The following RYR1 variants were observed in gnomAD, a reference collection of about 807,000 sequenced individuals.
RYR1 encodes ryanodine receptor 1.
RYR1 carries 342 observed loss-of-function variants against 583.5 expected under a neutral mutation model. The observed-to-expected ratio is 0.59, with a 90% CI of 0.54 to 0.64. The LOEUF is 0.64. Among genes scored for constraint, RYR1 ranks in the 30% least tolerant of loss-of-function variants. The probability of loss-of-function intolerance (pLI) is 0.00; values close to 1 mark genes in which losing one functional copy is unlikely to be tolerated. For missense variants in RYR1, 6,032 were observed against 6,917.2 expected (o/e 0.87, Z 4.54); for synonymous variants, 2,791 against 2,822.5 (o/e 0.99, Z 0.35).
chr19:38,497,124 A>G (rs1969870917), intron 42 of RYR1, among the ~76,000 whole-genome samples, 170 bp downstream of exon 42: 1 of 152,246 alleles, frequency 6.6e-6, no homozygotes, highest in Non-Finnish European at 1.5e-5. Context: ...CCAGTTGTTC[A>G]TTCATGGGAT....
chr19:38,477,633 A>G (rs1006532644), intron 29 of RYR1, 77 bp from the exon 30 acceptor site: 2 of 1,601,510 alleles, frequency 1.2e-6, no homozygotes. Context: ...CAGTCCAGGG[A>G]AACCAATTTC....
In RYR1 at chr19:38,502,452, C is replaced by T. The variant is rs1389609076; in HGVS notation, c.7615-55C>T. ...TGGCCACAGTCGCTCAAGACAGGTG[C>T]CAGAGCAGCCCCAGGGGTGTGCAGC... On this transcript the variant is annotated intron_variant, in intron 47 of 105. Transcript: ENST00000359596. 7.2e-6 allele frequency: 11 copies of T among 1,521,476 alleles called. No individual in the cohort carries two copies. In the East Asian group the frequency reaches 2.4e-4, roughly 33 times the overall value. The allele number at this position is 1,521,476 out of a possible 1,614,324, so 94.2% of individuals were successfully genotyped here. A position where few individuals can be genotyped will look rare whatever the true frequency, so the allele number is the denominator to read the frequency against.
intron 93 of RYR1, 30 bp downstream of exon 93, chr19:38,567,947 T>G (rs761355511): frequency 1.2e-6 from 2 of 1,611,306 alleles, no homozygotes; most frequent in Non-Finnish European, 8.5e-7. Flanking sequence ...ACCTGAACCT[T>G]CTTCTCCCCG....
intron 1 of RYR1, among the ~76,000 whole-genome samples, chr19:38,436,860 G>T (rs1311037527): frequency 6.6e-6 from 1 of 151,970 alleles, no homozygotes; most frequent in African/African-American, 2.4e-5. Flanking sequence ...TCCCTTTGGT[G>T]GGTGGTGACC....
At position 38,574,037 on chromosome 19, in the gene RYR1, G is replaced by A. The variant is rs551941068; in HGVS notation, c.14129+730G>A. Among the ~76,000 whole-genome samples the A allele has an allele frequency of 4.6e-5, 7 of 152,104 alleles. No individual in the cohort carries two copies. The East Asian group carries it at 9.7e-4, about 21-fold the overall frequency. On this transcript the variant is annotated intron_variant, in intron 96 of 105. Coordinates refer to ENST00000359596, the MANE Select transcript of RYR1 (RefSeq NM_000540.3). ...GCAGATCACTTGAGGTCAGGAGTTC[G>A]AGACCAGCCTAGCCAACATGGTGAA...
chr19:38,539,789 A>G (rs1972124332), intron 84 of RYR1, among the ~76,000 whole-genome samples: 1 of 152,226 alleles, frequency 6.6e-6, no homozygotes, highest in East Asian at 1.9e-4. Context: ...CAAAGCAGAC[A>G]AAAGGTTTGT....
At chr19:38,494,845 A>AC (rs1220962128) in intron 39 of RYR1, among the ~76,000 whole-genome samples, 20 of 88,748 alleles carry the variant, frequency 2.3e-4, no homozygotes, top group African/African-American at 3.1e-4. Flanking sequence ...GACATTCCCC[A>AC]CCCCCCCCTT....
At chr19:38,461,166 CA>C (rs1967718118) in intron 20 of RYR1, among the ~76,000 whole-genome samples, 1 of 151,826 alleles carries the variant, frequency 6.6e-6, no homozygotes, top group African/African-American at 2.4e-5. Flanking sequence ...AACAAACAAA[CA>C]AACAAAAACA....
chr19:38,529,625 A>G (rs573369447), intron 76 of RYR1, among the ~76,000 whole-genome samples: 1 of 152,312 alleles, frequency 6.6e-6, no homozygotes, highest in Non-Finnish European at 1.5e-5. Context: ...TTTCTAGAAG[A>G]AAGTGTCTTG....
chr19:38,461,213 G>T (rs779182045), intron 20 of RYR1, among the ~76,000 whole-genome samples: 1 of 152,050 alleles, frequency 6.6e-6, no homozygotes, highest in Non-Finnish European at 1.5e-5. Flanking sequence ...GGGGCCTCGC[G>T]CTTGAGCCCG....
rs752427613 is a variant in RYR1 at position 38,440,834 on chromosome 19, G to A, written c.135G>A (p.Leu45=). ...CLAAEGFGNR[L]CFLEPTSNAQ... is the part of the protein sequence containing the mutation. ...CCGCCGAGGGCTTCGGCAACCGCCT[G>A]TGCTTCCTGGAGCCCACTAGCAACG... The change falls in exon 2 of 106, where the codon CTG becomes CTA. Residue 45 remains leucine (L), a synonymous_variant. Coordinates refer to ENST00000359596, the MANE Select transcript of RYR1 (RefSeq NM_000540.3). 1 of 1,611,452 alleles carries A rather than the reference G, an allele frequency of 6.2e-7. No individual in the cohort carries two copies. Among genetic ancestry groups the A allele is most frequent in the Non-Finnish European group, 8.5e-7 (1 of 1,179,558 alleles).
chr19:38,509,597 G>A (rs1970638235), intron 58 of RYR1, among the ~76,000 whole-genome samples: 1 of 151,702 alleles, frequency 6.6e-6, no homozygotes, highest in East Asian at 1.9e-4. Flanking sequence ...GACTACAGGC[G>A]CCTGCCACCA....
At chr19:38,536,385 C>T (rs1336433140) in intron 82 of RYR1, among the ~76,000 whole-genome samples, 2 of 149,718 alleles carry the variant, frequency 1.3e-5, no homozygotes, top group African/African-American at 4.9e-5. Flanking sequence ...TTGCTGTTCT[C>T]TTATTAATGT....
At chr19:38,510,602 A>C (rs1349510342) in intron 59 of RYR1, 37 bp downstream of exon 59, 1 of 1,613,846 alleles carries the variant, frequency 6.2e-7, no homozygotes, top group South Asian at 1.1e-5. Flanking sequence ...GGCGCTGGGG[A>C]CTCATAGGCT....
chr19:38,532,413 G>T lies in RYR1; in HGVS notation c.11142-77G>T, dbSNP rs1265095584. On this transcript the variant is annotated intron_variant, in intron 76 of 105. Transcript: ENST00000359596. ...GTTGGGATTACAGGCATGAGCCACCGCACCCTGCCCAGAAGCTCTTATAAG... is the reference window on the plus strand; with the variant it reads ...GTTGGGATTACAGGCATGAGCCACCTCACCCTGCCCAGAAGCTCTTATAAG... 13 of 1,467,280 alleles carry T rather than the reference G, an allele frequency of 8.9e-6. No individual in the cohort carries two copies. In the South Asian group the frequency reaches 1.5e-4, roughly 17 times the overall value. The allele number at this position is 1,467,280 out of a possible 1,614,324, so 90.9% of individuals were successfully genotyped here.
At position 38,433,778 on chromosome 19, in the gene RYR1, C is replaced by T; in HGVS notation, c.-52C>T. ...CCCAGCCCTCCCGCCCAGCCCGCAG[C>T]CCCCTCCCTCTGTTCCCCGACCTCA... On this transcript the variant is annotated 5_prime_UTR_variant, in exon 1 of 106. Transcript: ENST00000359596. 1 of 1,166,504 alleles carries T rather than the reference C, an allele frequency of 8.6e-7. No individual in the cohort carries two copies. The highest frequency in any genetic ancestry group is 1.2e-5 in the South Asian group (1 of 82,196). 72.3% of individuals were successfully genotyped at this position (1,166,504 alleles called of 1,614,324 possible).
intron 2 of RYR1, among the ~76,000 whole-genome samples, chr19:38,441,109 C>T (rs368204780): frequency 6.6e-6 from 1 of 151,090 alleles, no homozygotes. Context: ...TAGGCCAGGG[C>T]GGGGGCTGCT....
intron 56 of RYR1, 27 bp from the exon 57 acceptor site, chr19:38,506,802 C>T: frequency 6.2e-7 from 1 of 1,614,012 alleles, no homozygotes; most frequent in Non-Finnish European, 8.5e-7. Context: ...TCCCCAGAGC[C>T]CTGATTTCTG....
At chr19:38,584,875 C>G in intron 101 of RYR1, 68 bp from the exon 102 acceptor site, 2 of 1,595,040 alleles carry the variant, frequency 1.3e-6, no homozygotes, top group Non-Finnish European at 1.7e-6. Context: ...CCCTGCCTAT[C>G]CCGGGGCCTT....
Sources: allele counts gnomAD v4.1 joint callset (sites outside exome capture counted in the v4.1 genomes callset), GRCh38; gene constraint gnomAD v4.1.1; transcripts MANE v1.5; gene names NCBI Gene and HGNC (gene_info 2026-07-23, HGNC 2026-07-21).